Variants in CWC27 observed in about 807,000 individuals in gnomAD.
The protein encoded by CWC27 is CWC27 spliceosome associated cyclophilin, also known as spliceosome-associated protein CWC27 homolog.
A neutral mutation model predicts 63.6 loss-of-function variants in CWC27; 47 were observed. The ratio of observed to expected loss-of-function variants is 0.74; its 90% CI spans 0.58 to 0.94. CWC27 has a LOEUF of 0.94. CWC27 is among the 40% of genes least tolerant of loss of function. CWC27 has a pLI of 0.00. For missense variants in CWC27, 495 were observed against 554.3 expected (o/e 0.89, Z 1.07); for synonymous variants, 175 against 179.8 (o/e 0.97, Z 0.22).
chr5:64,886,514 G>A (rs1471448690), intron 11 of CWC27, among the ~76,000 whole-genome samples: 1 of 151,848 alleles, frequency 6.6e-6, no homozygotes, highest in Non-Finnish European at 1.5e-5. Flanking sequence ...ACAGTCACTG[G>A]AAGTATATTA....
chr5:64,923,922 A>T (rs945698663), intron 11 of CWC27, among the ~76,000 whole-genome samples: 3 of 151,858 alleles, frequency 2.0e-5, no homozygotes, highest in African/African-American at 7.3e-5. Context: ...GCCAAATTAA[A>T]TTTTTTTAGT....
intron 1 of CWC27, among the ~76,000 whole-genome samples, chr5:64,771,883 C>T (rs1310952692): frequency 4.6e-5 from 7 of 151,964 alleles, no homozygotes; most frequent in Non-Finnish European, 5.9e-5. Context: ...GCAAAGTGGC[C>T]CGATTATATA....
intron 5 of CWC27, among the ~76,000 whole-genome samples, chr5:64,786,122 G>A (rs538137906): frequency 1.5e-5 from 2 of 136,750 alleles, no homozygotes; most frequent in South Asian, 2.3e-4. Context: ...CCAAGATCAC[G>A]CCACTGCACT....
chr5:65,001,388 C>G (rs1208226498), intron 13 of CWC27, among the ~76,000 whole-genome samples: 2 of 152,074 alleles, frequency 1.3e-5, no homozygotes, highest in Non-Finnish European at 2.9e-5. Flanking sequence ...GCATCCTTGT[C>G]TTGTTCCAGT....
chr5:64,826,076 A>AATCTATCTATCTATCTATCTATCT (rs148024057), intron 10 of CWC27, among the ~76,000 whole-genome samples: 7 of 148,316 alleles, frequency 4.7e-5, no homozygotes, highest in East Asian at 2.0e-4. Context: ...CTTTGTAATA[A>AATCTATCTATCTATCTATCTATCT]ATCTATCTAT....
intron 1 of CWC27, among the ~76,000 whole-genome samples, chr5:64,769,770 G>A (rs888711615): frequency 1.3e-5 from 2 of 152,196 alleles, no homozygotes; most frequent in African/African-American, 2.4e-5. Flanking sequence ...AAGCCTCATG[G>A]AAAAGATATC....
intron 11 of CWC27, among the ~76,000 whole-genome samples, chr5:64,945,358 A>C (rs1748571526): frequency 6.6e-6 from 1 of 152,140 alleles, no homozygotes; most frequent in African/African-American, 2.4e-5. Flanking sequence ...AGTGTTTGAC[A>C]TTCTCCAAAA....
At chr5:64,898,927 T>C (rs552520105) in intron 11 of CWC27, among the ~76,000 whole-genome samples, 5 of 152,266 alleles carry the variant, frequency 3.3e-5, no homozygotes, top group Admixed American at 1.3e-4. Context: ...GGTGACTTCA[T>C]CTTTGAGGAG....
At chr5:64,876,974 A>G (rs1746807316) in intron 10 of CWC27, among the ~76,000 whole-genome samples, 1 of 152,084 alleles carries the variant, frequency 6.6e-6, no homozygotes, top group Non-Finnish European at 1.5e-5. Context: ...ATATGTTGAC[A>G]TTGTAGTAAT....
intron 11 of CWC27, among the ~76,000 whole-genome samples, chr5:64,899,019 G>A (rs1188587164): frequency 6.6e-6 from 1 of 152,146 alleles, no homozygotes; most frequent in Non-Finnish European, 1.5e-5. Flanking sequence ...CTGTAAAAAA[G>A]GCTGAGAAAT....
chr5:64,913,895 A>G lies in CWC27; in HGVS notation c.1042+28349A>G, dbSNP rs1343830934. ...AGCAAAGACAGTCAAGATTGAGGAA[A>G]AAACAAAAGTCAAAAATGAGATAGA... On this transcript the variant is annotated intron_variant, in intron 11 of 13. Transcript: ENST00000381070. Among the ~76,000 whole-genome samples the G allele has an allele frequency of 3.9e-5, 6 of 152,226 alleles. No homozygotes were observed. The East Asian group carries it at 1.2e-3, about 29-fold the overall frequency.
At chr5:64,918,659 A>G (rs902883517) in intron 11 of CWC27, among the ~76,000 whole-genome samples, 3 of 152,244 alleles carry the variant, frequency 2.0e-5, no homozygotes, top group African/African-American at 2.4e-5. Context: ...AGATACAAAA[A>G]TTAAAATAAG....
At chr5:64,953,796 G>A (rs1177477050) in intron 11 of CWC27, among the ~76,000 whole-genome samples, 2 of 151,818 alleles carry the variant, frequency 1.3e-5, no homozygotes, top group African/African-American at 2.4e-5. Context: ...GTTGTTTCTT[G>A]ATCATTCCTT....
intron 11 of CWC27, among the ~76,000 whole-genome samples, chr5:64,952,628 T>G (rs1249026473): frequency 6.6e-6 from 1 of 152,020 alleles, no homozygotes; most frequent in African/African-American, 2.4e-5. Context: ...CTATAGTAAT[T>G]TAAGGTTTAT....
intron 10 of CWC27, among the ~76,000 whole-genome samples, chr5:64,840,917 TG>T (rs1366877661): frequency 6.6e-6 from 1 of 152,148 alleles, no homozygotes; most frequent in African/African-American, 2.4e-5. Context: ...ATTGACAGGA[TG>T]TGGGGACTGA....
intron 10 of CWC27, chr5:64,808,161 T>C: frequency 9.8e-7 from 1 of 1,020,518 alleles, no homozygotes; most frequent in Non-Finnish European, 1.2e-6. Flanking sequence ...TCAGGCCCTG[T>C]CCTACACATT....
At chr5:64,867,154 A>G (rs967905774) in intron 10 of CWC27, among the ~76,000 whole-genome samples, 4 of 152,080 alleles carry the variant, frequency 2.6e-5, no homozygotes, top group Non-Finnish European at 4.4e-5. Context: ...CTTTTCACAT[A>G]TAAGAAAGCA....
intron 11 of CWC27, among the ~76,000 whole-genome samples, chr5:64,937,631 C>T (rs1748383947): frequency 6.6e-6 from 1 of 152,154 alleles, no homozygotes; most frequent in Non-Finnish European, 1.5e-5. Context: ...GAGCTGAGTT[C>T]AAATCCTGAA....
In CWC27 at chr5:64,786,529, G is replaced by A. The variant is rs1288539540; in HGVS notation, c.501G>A (p.Leu167=). The A allele has an allele frequency of 1.3e-6, 2 of 1,545,262 alleles. No homozygotes were observed. Among genetic ancestry groups the A allele is most frequent in the Non-Finnish European group, 1.7e-6 (2 of 1,148,182 alleles). ...NPHKIKSCEV[L]FNPFDDIIPR... ...CGAAATATTTTTTTTCATAGGTTTT[G>A]TTTAATCCTTTTGATGACATCATTC... is the stretch of plus-strand genomic sequence containing the variant. Residue 167 remains leucine (L), a synonymous_variant, in exon 6 of 14, where the codon TTG becomes TTA. Coordinates refer to ENST00000381070, the MANE Select transcript of CWC27 (RefSeq NM_005869.4).
Sources: gnomAD v4.1 joint callset for allele counts (sites outside exome capture counted in the v4.1 genomes callset) on GRCh38, gnomAD v4.1.1 for gene constraint, MANE v1.5 for transcripts, NCBI Gene and HGNC (gene_info 2026-07-23, HGNC 2026-07-21) for gene names.